GLB1L3: variants seen among roughly 807,000 people sequenced by gnomAD.
GLB1L3 encodes the protein beta-galactosidase-1-like protein 3.
GLB1L3 carries 89 observed loss-of-function variants against 89.5 expected under a neutral mutation model. The observed-to-expected ratio is 0.99, with a 90% CI of 0.84 to 1.19. The LOEUF (loss-of-function observed/expected upper bound fraction) is 1.19. GLB1L3 is among the 50% of genes most tolerant of loss of function. The pLI is 0.00. For synonymous variants in GLB1L3, 314 were observed against 312.3 expected, an observed-to-expected ratio of 1.01 and a Z score of -0.06; for missense variants, 812 against 813.3, an observed-to-expected ratio of 1.00 and a Z score of 0.02.
intron 9 of GLB1L3, among the ~76,000 whole-genome samples, chr11:134,297,023 T>G (rs148461642): frequency 5.9e-5 from 9 of 152,200 alleles, no homozygotes; most frequent in African/African-American, 1.9e-4. Context: ...TGTTGACACC[T>G]CTAAATATAA....
At chr11:134,316,990 A>G (rs576954582) in intron 18 of GLB1L3, 2 of 152,348 alleles carry the variant, frequency 1.3e-5, no homozygotes, top group African/African-American at 4.8e-5. Flanking sequence ...GGCAGGTAGT[A>G]TTCAACCTGA....
Position 134,288,814 on chromosome 11 carries a change from C to G in GLB1L3, c.653C>G (p.Pro218Arg). 6.2e-7 allele frequency: 1 copy of G among 1,613,224 alleles called. No homozygotes were observed. The highest frequency in any genetic ancestry group is 1.3e-5 in the African/African-American group (1 of 74,978). Reference protein sequence around the residue: ...VIPLQYRQAGPVIAVQVENEY... With the variant: ...VIPLQYRQAGRVIAVQVENEY... Reference sequence around the variant, plus strand: ...GTTTCTCAGTACCGCCAGGCAGGCCCTGTCATCGCGGTGCAAGTGGAGAAT... The same window carrying G: ...GTTTCTCAGTACCGCCAGGCAGGCCGTGTCATCGCGGTGCAAGTGGAGAAT... Residue 218 changes from proline to arginine, a missense_variant, in exon 7 of 20, where the codon CCT becomes CGT. Transcript: ENST00000431683.
chr11:134,283,155 C>G (rs1372411010), intron 5 of GLB1L3, among the ~76,000 whole-genome samples: 2 of 152,016 alleles, frequency 1.3e-5, no homozygotes, highest in Admixed American at 6.5e-5. Context: ...CTCTGCCTCC[C>G]GGGTTCAAGC....
intron 7 of GLB1L3, among the ~76,000 whole-genome samples, chr11:134,290,490 C>T (rs1941289410): frequency 1.3e-5 from 2 of 150,530 alleles, no homozygotes; most frequent in African/African-American, 4.9e-5. Context: ...GGAAAATCAC[C>T]TGAACCTGGG....
At chr11:134,291,830 C>T (rs1299833799) in intron 7 of GLB1L3, among the ~76,000 whole-genome samples, 1 of 152,102 alleles carries the variant, frequency 6.6e-6, no homozygotes, top group Non-Finnish European at 1.5e-5. Flanking sequence ...AAAAAATTAG[C>T]TGGACATGGT....
chr11:134,311,265 A>G lies in GLB1L3; in HGVS notation c.1287+95A>G, dbSNP rs115864620. The G allele has an allele frequency of 1.6e-4, 140 of 881,572 alleles. 1 individual carries two copies. Among genetic ancestry groups the G allele is most frequent in the African/African-American group, 1.5e-3 (94 of 61,082 alleles). 54.6% of individuals were successfully genotyped at this position (881,572 alleles called of 1,614,324 possible). A position where few individuals can be genotyped will look rare whatever the true frequency, so the allele number is the denominator to read the frequency against. ...CTTTTTATTAGGAAGTGGGAAAACA[A>G]ATCCTCTGCATTTCATTCAAATTTA... is the stretch of plus-strand genomic sequence containing the variant. On this transcript the variant is annotated intron_variant, in intron 13 of 19. Transcript: ENST00000431683.
Position 134,283,658 on chromosome 11 carries a change from G to A in GLB1L3, c.528-79G>A, listed in dbSNP as rs1369933294. ...AGGCAGCTGGGCAGATGTGCGGCGA[G>A]CCGGGGCAGCTCTGAGCCCACTCCT... On this transcript the variant is annotated intron_variant, in intron 5 of 19. Coordinates refer to ENST00000431683, the MANE Select transcript of GLB1L3 (RefSeq NM_001080407.3). The A allele has an allele frequency of 8.0e-6, 6 of 749,324 alleles. No homozygotes were observed. The East Asian group carries it at 8.1e-5, about 10-fold the overall frequency. 46.4% of individuals were successfully genotyped at this position (749,324 alleles called of 1,614,324 possible). A position where few individuals can be genotyped will look rare whatever the true frequency, so the allele number is the denominator to read the frequency against.
intron 10 of GLB1L3, among the ~76,000 whole-genome samples, chr11:134,308,401 CCATCACCACCACCACCATCAT>C (rs1565413555): frequency 1.0e-4 from 10 of 95,316 alleles, no homozygotes; most frequent in Non-Finnish European, 1.5e-4. Context: ...ACCACCATCA[CCATCACCACCACCACCATCAT>C]CACCATCACC....
chr11:134,301,603 A>C lies in GLB1L3; in HGVS notation c.877-5521A>C, dbSNP rs4936229. Among the ~76,000 whole-genome samples, 813 of 151,790 alleles carry C rather than the reference A, an allele frequency of 5.4e-3. 4 individuals carry two copies. The highest frequency in any genetic ancestry group is 0.015 in the African/African-American group (638 of 41,358). Reference sequence around the variant, plus strand: ...TTGTCTCTATTGCAAATTAATTTCAATTTCACTGCTTCTACCCTTAGGTTT... The same window carrying C: ...TTGTCTCTATTGCAAATTAATTTCACTTTCACTGCTTCTACCCTTAGGTTT... On this transcript the variant is annotated intron_variant, in intron 9 of 19. Coordinates refer to ENST00000431683, the MANE Select transcript of GLB1L3 (RefSeq NM_001080407.3).
chr11:134,309,579 C>T (rs1239762693), intron 10 of GLB1L3, 47 bp from the exon 11 acceptor site: 1 of 1,478,202 alleles, frequency 6.8e-7, no homozygotes, highest in Admixed American at 2.2e-5. Context: ...GCTTCTGTCT[C>T]CTCTTAATTT....
In GLB1L3 at chr11:134,308,229, C is replaced by CCAT. The variant is rs1565412539; in HGVS notation, c.961+1023_961+1024insTCA. On this transcript the variant is annotated intron_variant, in intron 10 of 19. Transcript: ENST00000431683. ...ACCACCACCACCATCACCATCACCACCACCACCATCACCATCACCACCATC... is the reference window on the plus strand; with the variant it reads ...ACCACCACCACCATCACCATCACCACCATCACCACCATCACCATCACCACCATC... Among the ~76,000 whole-genome samples, 81 of 25,200 alleles carry CCAT rather than the reference C, an allele frequency of 3.2e-3. 2 individuals carry two copies. Among genetic ancestry groups the CCAT allele is most frequent in the Non-Finnish European group, 3.9e-3 (51 of 13,112 alleles). The allele number at this position is 25,200 out of a possible 152,430, so 16.5% of individuals were successfully genotyped here.
intron 6 of GLB1L3, 93 bp downstream of exon 6, chr11:134,283,938 C>G: frequency 1.4e-6 from 1 of 730,264 alleles, no homozygotes; most frequent in Non-Finnish European, 2.4e-6. Context: ...CATGCAGTCT[C>G]CATGAACAAT....
At chr11:134,314,066 T>G in intron 17 of GLB1L3, 38 bp downstream of exon 17, 1 of 1,319,898 alleles carries the variant, frequency 7.6e-7, no homozygotes, top group Non-Finnish European at 1.1e-6. Flanking sequence ...ACTTCAGTGA[T>G]CGGGGAACTC....
chr11:134,292,592 T>G lies in GLB1L3; in HGVS notation c.811+379T>G, dbSNP rs1474235017. 4 of 216,712 alleles carry G rather than the reference T, an allele frequency of 1.8e-5. No individual in the cohort carries two copies. In the East Asian group the frequency reaches 4.6e-4, roughly 25 times the overall value. 13.4% of individuals were successfully genotyped at this position (216,712 alleles called of 1,614,324 possible). A position where few individuals can be genotyped will look rare whatever the true frequency, so the allele number is the denominator to read the frequency against. ...AGGGAGAACCAGAAGATGGGTGTTG[T>G]GTCAGGAACCCCGCCTAGATCCGGT... On this transcript the variant is annotated intron_variant, in intron 8 of 19. Transcript: ENST00000431683.
chr11:134,321,840 G>A (rs202229559), downstream of GLB1L3, among the ~76,000 whole-genome samples: 15 of 151,908 alleles, frequency 9.9e-5, no homozygotes, highest in East Asian at 1.9e-3. Flanking sequence ...AATGGGTGCC[G>A]CACACCAACA....
chr11:134,321,351 T>C (rs1018264319), downstream of GLB1L3, among the ~76,000 whole-genome samples: 1 of 150,006 alleles, frequency 6.7e-6, no homozygotes, highest in African/African-American at 2.5e-5. Flanking sequence ...ATAAATAGAG[T>C]AAGAAAAAAC....
intron 10 of GLB1L3, among the ~76,000 whole-genome samples, chr11:134,308,190 T>C (rs1399491063): frequency 5.1e-4 from 40 of 79,056 alleles, no homozygotes; most frequent in East Asian, 1.4e-3. Flanking sequence ...ATCACCATCA[T>C]CACCATCACC....
At chr11:134,312,638 T>C in intron 14 of GLB1L3, 149 bp downstream of exon 14, 2 of 1,107,030 alleles carry the variant, frequency 1.8e-6, no homozygotes, top group Non-Finnish European at 2.6e-6. Context: ...CAAATAGACT[T>C]GCTTTCTGCT....
chr11:134,277,302 C>G (rs761282919), intron 1 of GLB1L3, 24 bp from the exon 2 acceptor site: 2 of 1,613,578 alleles, frequency 1.2e-6, no homozygotes, highest in Admixed American at 1.7e-5. Flanking sequence ...TTCCCCTTGT[C>G]ACTGTTGTCC....
Sources: gnomAD v4.1 joint callset for allele counts (sites outside exome capture counted in the v4.1 genomes callset) on GRCh38, gnomAD v4.1.1 for gene constraint, MANE v1.5 for transcripts, NCBI Gene and HGNC (gene_info 2026-07-23, HGNC 2026-07-21) for gene names.